Variants in TBC1D5 observed in about 807,000 individuals in gnomAD.
The protein encoded by TBC1D5 is TBC1 domain family, member 5.
In TBC1D5, 75 loss-of-function variants were observed where a neutral mutation model predicts 100.3. The ratio of observed to expected loss-of-function variants is 0.75; its 90% confidence interval spans 0.62 to 0.91. The LOEUF (loss-of-function observed/expected upper bound fraction) is 0.91, where lower values mean the gene tolerates loss of function less well. TBC1D5 is among the 40% of genes least tolerant of loss of function. The pLI is 0.00. For synonymous variants in TBC1D5, 323 were observed against 325.6 expected (o/e 0.99, Z 0.09); for missense variants, 910 against 942.4 (o/e 0.97, Z 0.45).
intron 17 of TBC1D5, among the ~76,000 whole-genome samples, chr3:17,216,463 CA>C (rs1206800247): frequency 6.6e-6 from 1 of 152,114 alleles, no homozygotes; most frequent in Non-Finnish European, 1.5e-5. Flanking sequence ...GTTATTCCCC[CA>C]ATAAACTTTC....
chr3:17,338,520 A>T (rs919124990), intron 13 of TBC1D5: 2 of 152,244 alleles, frequency 1.3e-5, no homozygotes, highest in Non-Finnish European at 2.9e-5. Flanking sequence ...AAGCAGCCCA[A>T]GAAACCCTCT....
chr3:17,655,406 T>C (rs971375369), intron 1 of TBC1D5, among the ~76,000 whole-genome samples: 2 of 151,806 alleles, frequency 1.3e-5, no homozygotes, highest in Non-Finnish European at 2.9e-5. Flanking sequence ...TGTATACATA[T>C]GTAACTAACC....
chr3:17,247,989 T>C (rs1392570559), intron 16 of TBC1D5, among the ~76,000 whole-genome samples: 1 of 91,026 alleles, frequency 1.1e-5, no homozygotes, highest in Non-Finnish European at 2.1e-5. Context: ...CCTCCACTAA[T>C]TTTTTTTTTT....
intron 13 of TBC1D5, among the ~76,000 whole-genome samples, chr3:17,363,153 A>G (rs1354176822): frequency 1.3e-5 from 2 of 152,058 alleles, no homozygotes; most frequent in Non-Finnish European, 2.9e-5. Flanking sequence ...TGTTCTTGGC[A>G]TAACATTTCC....
chr3:17,713,064 G>T (rs376476610), intron 1 of TBC1D5, among the ~76,000 whole-genome samples: 1 of 151,948 alleles, frequency 6.6e-6, no homozygotes, highest in Admixed American at 6.6e-5. Context: ...TTTATCTGAC[G>T]AGGTCGTCTC....
intron 2 of TBC1D5, among the ~76,000 whole-genome samples, chr3:17,569,518 A>C (rs2096613667): frequency 6.6e-6 from 1 of 151,774 alleles, no homozygotes; most frequent in Non-Finnish European, 1.5e-5. Flanking sequence ...ATGGTAGTAA[A>C]TTTGAATTTA....
chr3:17,629,445 C>A (rs890344332), intron 1 of TBC1D5, among the ~76,000 whole-genome samples: 4 of 152,134 alleles, frequency 2.6e-5, no homozygotes, highest in African/African-American at 7.2e-5. Context: ...CCAGTTAATT[C>A]TTTAGTATAA....
At chr3:17,336,922 T>C (rs1402327035) in intron 13 of TBC1D5, among the ~76,000 whole-genome samples, 5 of 152,082 alleles carry the variant, frequency 3.3e-5, no homozygotes, top group Non-Finnish European at 7.4e-5. Flanking sequence ...AGAGAAGATA[T>C]AGTTAATCAT....
intron 18 of TBC1D5, among the ~76,000 whole-genome samples, chr3:17,208,632 TTC>T (rs1334184185): frequency 6.6e-6 from 1 of 152,264 alleles, no homozygotes; most frequent in Non-Finnish European, 1.5e-5. Context: ...ATTACTTGCA[TTC>T]TGTCTCTTGG....
chr3:17,376,356 TAAC>T (rs2092707241), intron 10 of TBC1D5, among the ~76,000 whole-genome samples, 166 bp downstream of exon 10: 2 of 152,126 alleles, frequency 1.3e-5, no homozygotes, highest in African/African-American at 4.8e-5. Flanking sequence ...TAAACTGGCC[TAAC>T]AACAATTAAG....
At chr3:17,212,879 G>C (rs911540980) in intron 18 of TBC1D5, among the ~76,000 whole-genome samples, 1 of 152,058 alleles carries the variant, frequency 6.6e-6, no homozygotes, top group Non-Finnish European at 1.5e-5. Flanking sequence ...TAAAGTAAAA[G>C]TTATAATAAG....
chr3:17,241,082 AAAC>A (rs997637895), intron 16 of TBC1D5, among the ~76,000 whole-genome samples: 1 of 152,014 alleles, frequency 6.6e-6, no homozygotes, highest in Non-Finnish European at 1.5e-5. Flanking sequence ...TTTTTTTTCA[AAAC>A]AACAATTGAA....
chr3:17,275,213 T>C (rs1366908492), intron 15 of TBC1D5, among the ~76,000 whole-genome samples: 1 of 152,100 alleles, frequency 6.6e-6, no homozygotes, highest in Non-Finnish European at 1.5e-5. Context: ...TTAACACTAT[T>C]TGCCTCTGAG....
At chr3:17,267,876 T>A (rs1384964094) in intron 15 of TBC1D5, among the ~76,000 whole-genome samples, 1 of 152,206 alleles carries the variant, frequency 6.6e-6, no homozygotes, top group Non-Finnish European at 1.5e-5. Flanking sequence ...ATCTTGGAAT[T>A]AAAAATTCAT....
At chr3:17,167,550 G>A (rs1344301087) in intron 20 of TBC1D5, among the ~76,000 whole-genome samples, 199 bp downstream of exon 21, 1 of 152,198 alleles carries the variant, frequency 6.6e-6, no homozygotes, top group Admixed American at 6.5e-5. Context: ...TGGAAAACCA[G>A]CGTGGGTCGC....
chr3:17,557,473 T>C (rs2096529592), intron 2 of TBC1D5, among the ~76,000 whole-genome samples: 1 of 152,238 alleles, frequency 6.6e-6, no homozygotes, highest in African/African-American at 2.4e-5. Flanking sequence ...AAAATGGAAA[T>C]ATATTTTGCT....
intron 13 of TBC1D5, among the ~76,000 whole-genome samples, chr3:17,328,874 A>T (rs954231563): frequency 6.6e-6 from 1 of 152,202 alleles, no homozygotes; most frequent in Non-Finnish European, 1.5e-5. Flanking sequence ...AATTATATCT[A>T]TCGGTCATTT....
intron 2 of TBC1D5, among the ~76,000 whole-genome samples, chr3:17,580,316 A>G (rs1484438287): frequency 2.0e-5 from 3 of 152,186 alleles, no homozygotes; most frequent in African/African-American, 7.2e-5. Context: ...GAATTCCTAA[A>G]CTAGGAAACA....
At chr3:17,564,771 C>A (rs1304151678) in intron 2 of TBC1D5, among the ~76,000 whole-genome samples, 2 of 151,972 alleles carry the variant, frequency 1.3e-5, no homozygotes, top group Admixed American at 6.6e-5. Context: ...ATGTTAAAAA[C>A]AAATCAGCAT....
Sources: allele counts gnomAD v4.1 joint callset (sites outside exome capture counted in the v4.1 genomes callset), GRCh38; gene constraint gnomAD v4.1.1; transcripts MANE v1.5; gene names NCBI Gene and HGNC (gene_info 2026-07-23, HGNC 2026-07-21).